Variants in SLC6A9 observed in about 807,000 individuals in gnomAD.
The protein encoded by SLC6A9 is solute carrier family 6 member 9.
A neutral mutation model predicts 70.9 loss-of-function variants in SLC6A9; 31 were observed. The observed-to-expected ratio is 0.44, with a 90% CI of 0.33 to 0.59. The LOEUF (loss-of-function observed/expected upper bound fraction) is 0.59. Among genes scored for constraint, SLC6A9 ranks in the 20% least tolerant of loss-of-function variants. SLC6A9 has a pLI of 0.04. For synonymous variants in SLC6A9, 310 were observed against 341.3 expected (o/e 0.91, Z 1.01); for missense variants, 631 against 845.2 (o/e 0.75, Z 3.14).
In SLC6A9 at chr1:44,002,938, A is replaced by C. The variant is rs1351952343; in HGVS notation, c.638T>G (p.Val213Gly). ...GAGGCAGCCAAGGAGGGGCAGCCGCACCTCCCCAAAGTTCCCAATGTCATC... is the reference window on the plus strand; with the variant it reads ...GAGGCAGCCAAGGAGGGGCAGCCGCCCCTCCCCAAAGTTCCCAATGTCATC... Reference protein sequence around the residue: ...LSDDIGNFGEVRLPLLGCLGV... With the variant: ...LSDDIGNFGEGRLPLLGCLGV... Residue 213 changes from valine to glycine, a missense_variant, in exon 6 of 14, where the codon GTG becomes GGG. By Grantham distance (109) the Val-to-Gly change is moderately radical. Transcript: ENST00000372310. The surrounding 1 kb of genome is among the most constrained non-coding windows in gnomAD (Gnocchi z 5.5). 6.2e-7 allele frequency: 1 copy of C among 1,613,102 alleles called. No homozygotes were observed. Among genetic ancestry groups the C allele is most frequent in the South Asian group, 1.1e-5 (1 of 91,016 alleles).
chr1:44,008,664 A>G lies in SLC6A9; in HGVS notation c.320-41T>C, dbSNP rs72683980. 0.013 allele frequency: 19,298 copies of G among 1,536,594 alleles called. 407 individuals are homozygous for G. Among genetic ancestry groups the G allele is most frequent in the Admixed American group, 0.098 (5,771 of 59,152 alleles). ...GGTGGGGGGAGGAGCCTCAGCATCC[A>G]GCAGGAGGAGGTGAGGTTAATAATT... On this transcript the variant is annotated intron_variant, in intron 4 of 13. Coordinates refer to ENST00000372310, the MANE Select transcript of SLC6A9 (RefSeq NM_001024845.3).
At position 44,011,307 on chromosome 1, in the gene SLC6A9, C is replaced by A. The variant is rs528852563; in HGVS notation, c.31-425G>T. Among the ~76,000 whole-genome samples the A allele has an allele frequency of 9.2e-5, 14 of 152,290 alleles. No homozygotes were observed. The East Asian group carries it at 2.7e-3, about 29-fold the overall frequency. The stretch of plus-strand genomic sequence containing the variant: ...AAAGGGGCCTGTGTCCAGACAGCCC[C>A]CCCACCCGTCGCCTACCACATCACC... On this transcript the variant is annotated intron_variant, in intron 2 of 13. Transcript: ENST00000372310.
At chr1:44,025,251 T>A (rs2086960180) in intron 1 of SLC6A9, among the ~76,000 whole-genome samples, 1 of 146,270 alleles carries the variant, frequency 6.8e-6, no homozygotes, top group Non-Finnish European at 1.5e-5. Context: ...AAATGAGGGG[T>A]CCAGGCCAGC....
In SLC6A9 at chr1:44,002,171, C is replaced by G. The variant is rs553079253; in HGVS notation, c.962+142G>C. 15 of 660,332 alleles carry G rather than the reference C, an allele frequency of 2.3e-5. No homozygotes were observed. The highest frequency in any genetic ancestry group is 3.6e-5 in the Non-Finnish European group (13 of 359,600). The allele number at this position is 660,332 out of a possible 1,614,324, so 40.9% of individuals were successfully genotyped here. The stretch of plus-strand genomic sequence containing the variant: ...AACCTCTCTCCTCATTCTCCAACAA[C>G]TTTATCCAGAACCAGTATTCCCAGA... On this transcript the variant is annotated intron_variant, in intron 8 of 13. Coordinates refer to ENST00000372310, the MANE Select transcript of SLC6A9 (RefSeq NM_001024845.3). The surrounding 1 kb of genome is among the most constrained non-coding windows in gnomAD (Gnocchi z 5.5).
At chr1:44,004,275 C>T (rs1403529012) in intron 5 of SLC6A9, among the ~76,000 whole-genome samples, 2 of 152,026 alleles carry the variant, frequency 1.3e-5, no homozygotes, top group African/African-American at 2.4e-5. Flanking sequence ...GGATTACAGG[C>T]GTGAGCCACC....
At position 44,011,707 on chromosome 1, in the gene SLC6A9, C is replaced by T. The variant is rs1470829776; in HGVS notation, c.31-825G>A. The stretch of plus-strand genomic sequence containing the variant: ...GGTGGCAGGAAGAAGGATCTCTGAA[C>T]AGGGAGAAGCGTCACCTGCAGGGGA... On this transcript the variant is annotated intron_variant, in intron 2 of 13. Transcript: ENST00000372310. 1.9e-6 allele frequency: 3 copies of T among 1,613,848 alleles called. No homozygotes were observed. The highest frequency in any genetic ancestry group is 2.7e-5 in the African/African-American group (2 of 74,878).
At chr1:44,011,523 C>A (rs1284711035) in intron 2 of SLC6A9, 1 of 1,598,358 alleles carries the variant, frequency 6.3e-7, no homozygotes, top group African/African-American at 1.3e-5. Context: ...GAGCTAGCTA[C>A]ACTGCCCATG....
At chr1:44,007,215 T>A (rs1035048871) in intron 5 of SLC6A9, among the ~76,000 whole-genome samples, 3 of 152,198 alleles carry the variant, frequency 2.0e-5, no homozygotes, top group African/African-American at 7.2e-5. Flanking sequence ...TTTGTGTCTC[T>A]GTGACACCCC....
rs200391406 is a variant in SLC6A9, at chr1:44,002,844, G to A, written c.723+9C>T. 1.2e-6 allele frequency: 2 copies of A among 1,613,898 alleles called. No homozygotes were observed. Among genetic ancestry groups the A allele is most frequent in the African/African-American group, 2.7e-5 (2 of 74,908 alleles). On this transcript the variant is annotated intron_variant, in intron 6 of 13. Coordinates refer to ENST00000372310, the MANE Select transcript of SLC6A9 (RefSeq NM_001024845.3). This position sits in a 1 kb window ranked among gnomAD's most constrained non-coding sequence, Gnocchi z 5.5. ...GTGGGCACAGACCCTGCTGGGGAGG[G>A]GTACTTGCTTTCCCTGAAGACTTGA...
At chr1:44,022,816 G>A (rs558758321) in intron 2 of SLC6A9, among the ~76,000 whole-genome samples, 14 of 144,096 alleles carry the variant, frequency 9.7e-5, no homozygotes, top group South Asian at 2.2e-4. Flanking sequence ...AGTGATTTTC[G>A]TGCCACAGCC....
Position 44,008,344 on chromosome 1 carries a change from G to A in SLC6A9, c.590+9C>T, listed in dbSNP as rs752205928. 3.7e-6 allele frequency: 6 copies of A among 1,613,040 alleles called. No individual in the cohort carries two copies. In the South Asian group the frequency reaches 4.4e-5, roughly 12 times the overall value. On this transcript the variant is annotated intron_variant, in intron 5 of 13. Coordinates refer to ENST00000372310, the MANE Select transcript of SLC6A9 (RefSeq NM_001024845.3). ...GTTCCCCCCACCCCAGGTCCTGCAGGTGCCTCACCTCCAGTACTCCTCGCT... is the reference window on the plus strand; with the variant it reads ...GTTCCCCCCACCCCAGGTCCTGCAGATGCCTCACCTCCAGTACTCCTCGCT...
At chr1:44,001,713 A>G (rs1490733279) in intron 8 of SLC6A9, 86 bp from the exon 9 acceptor site, 3 of 988,130 alleles carry the variant, frequency 3.0e-6, no homozygotes, top group Non-Finnish European at 3.1e-6. Flanking sequence ...TTCTAGGTAC[A>G]AAGGCACCCC....
At position 44,021,665 on chromosome 1, in the gene SLC6A9, G is replaced by A. The variant is rs180748604; in HGVS notation, c.30+2583C>T. The stretch of plus-strand genomic sequence containing the variant: ...GTCCAAGTGCATGGCTCACACACAC[G>A]CCCCTTAACATCCTCTCTTCTGATC... On this transcript the variant is annotated intron_variant, in intron 2 of 13. Coordinates refer to ENST00000372310, the MANE Select transcript of SLC6A9 (RefSeq NM_001024845.3). 6.6e-4 allele frequency among the ~76,000 whole-genome samples: 101 copies of A among 152,284 alleles called. No individual in the cohort carries two copies. The East Asian group carries it at 0.019, about 28-fold the overall frequency.
At position 44,002,601 on chromosome 1, in the gene SLC6A9, G is replaced by C; in HGVS notation, c.769C>G (p.Leu257Val). ...TCCAGGGTCACTCCGCGGACAAACA[G>C]AATGGTCAGCACCACGTAGGGGAAC... ...ATFPYVVLTI[L>V]FVRGVTLEGA... The change falls in exon 7 of 14, where the codon CTG becomes GTG. Residue 257 changes from leucine (L) to valine (V), a missense_variant. Leu to Val is a conservative substitution (Grantham distance 32). Transcript: ENST00000372310. This position sits in a 1 kb window ranked among gnomAD's most constrained non-coding sequence, Gnocchi z 5.5. The C allele has an allele frequency of 6.2e-7, 1 of 1,614,134 alleles. No individual in the cohort carries two copies. Among genetic ancestry groups the C allele is most frequent in the Non-Finnish European group, 8.5e-7 (1 of 1,179,998 alleles).
intron 2 of SLC6A9, among the ~76,000 whole-genome samples, chr1:44,017,916 G>A (rs1433677134): frequency 6.6e-6 from 1 of 152,260 alleles, no homozygotes; most frequent in Non-Finnish European, 1.5e-5. Flanking sequence ...TAGTCTGGGA[G>A]TGTGCGTGGC....
Position 43,997,350 on chromosome 1 carries a change from T to A in SLC6A9, c.*195A>T. On this transcript the variant is annotated 3_prime_UTR_variant, in exon 14 of 14. Transcript: ENST00000372310. This position sits in a 1 kb window ranked among gnomAD's most constrained non-coding sequence, Gnocchi z 4.4. ...CTCCCACCCCTCCCCCCAGCTGCTA[T>A]CTTGGCATCCAAAGGACATGTAAAC... 2 of 587,088 alleles carry A rather than the reference T, an allele frequency of 3.4e-6. No individual in the cohort carries two copies. The highest frequency in any genetic ancestry group is 6.0e-6 in the Non-Finnish European group (2 of 334,042). 36.4% of individuals were successfully genotyped at this position (587,088 alleles called of 1,614,324 possible).
intron 5 of SLC6A9, among the ~76,000 whole-genome samples, chr1:44,004,595 C>G (rs2086245951): frequency 6.6e-6 from 1 of 152,208 alleles, no homozygotes; most frequent in Admixed American, 6.5e-5. Flanking sequence ...ATCCTCCTGC[C>G]TCAGCCTCCC....
intron 5 of SLC6A9, among the ~76,000 whole-genome samples, chr1:44,007,743 T>G (rs1443924253): frequency 1.3e-5 from 2 of 152,090 alleles, no homozygotes; most frequent in Non-Finnish European, 2.9e-5. Flanking sequence ...GGACAGAGCC[T>G]TTGCCCACAC....
chr1:43,999,573 GCCTGCCCTCC>G (rs1195237859), intron 12 of SLC6A9, among the ~76,000 whole-genome samples: 1 of 152,060 alleles, frequency 6.6e-6, no homozygotes, highest in African/African-American at 2.4e-5. Flanking sequence ...GGGTGGTGGT[GCCTGCCCTCC>G]CCTGCCTCCC....
Sources: gnomAD v4.1 joint callset for allele counts (sites outside exome capture counted in the v4.1 genomes callset) on GRCh38, gnomAD v4.1.1 for gene constraint, Gnocchi (gnomAD v3.1) non-coding constraint, MANE v1.5 for transcripts, NCBI Gene and HGNC (gene_info 2026-07-23, HGNC 2026-07-21) for gene names.